DLG2: variants seen among roughly 807,000 people sequenced by gnomAD.
DLG2 encodes the protein discs large MAGUK scaffold protein 2, also known as disks large homolog 2.
In DLG2, 45 loss-of-function variants were observed where a neutral mutation model predicts 132.5. That is an observed-to-expected ratio of 0.34 (90% CI 0.27 to 0.44). DLG2 has a LOEUF of 0.44. Among genes scored for constraint, DLG2 ranks in the 20% least tolerant of loss-of-function variants. DLG2 has a pLI of 1.00. For missense variants in DLG2, 1,045 were observed against 1,196.9 expected (o/e 0.87, Z 1.87); for synonymous variants, 424 against 419.6 (o/e 1.01, Z -0.13).
At chr11:83,903,470 T>C (rs12275181) in intron 15 of DLG2, among the ~76,000 whole-genome samples, 14,640 of 152,120 alleles carry the variant, frequency 0.096, 828 homozygotes, top group Middle Eastern at 0.2. Context: ...ATAAATAGTA[T>C]TAATTGATTC....
At chr11:85,537,336 G>T (rs758121412) in intron 3 of DLG2, among the ~76,000 whole-genome samples, 1 of 152,190 alleles carries the variant, frequency 6.6e-6, no homozygotes, top group Non-Finnish European at 1.5e-5. Context: ...CACTTTCCAG[G>T]CTGTGGAACC....
At chr11:85,581,713 T>C (rs1413033711) in intron 3 of DLG2, among the ~76,000 whole-genome samples, 1 of 152,082 alleles carries the variant, frequency 6.6e-6, no homozygotes, top group Non-Finnish European at 1.5e-5. Flanking sequence ...AGGTGGAACA[T>C]TTGACAGATA....
At chr11:84,689,448 C>T (rs1056733293) in intron 6 of DLG2, among the ~76,000 whole-genome samples, 1 of 151,694 alleles carries the variant, frequency 6.6e-6, no homozygotes, top group Non-Finnish European at 1.5e-5. Flanking sequence ...GAATATTTAA[C>T]TTTAGCAGCT....
intron 9 of DLG2, among the ~76,000 whole-genome samples, chr11:84,120,472 T>G (rs760523932): frequency 4.6e-5 from 7 of 152,160 alleles, no homozygotes; most frequent in Non-Finnish European, 1.0e-4. Flanking sequence ...TCACAATGAC[T>G]CTGAGAAAGG....
intron 10 of DLG2, among the ~76,000 whole-genome samples, chr11:84,082,426 C>CA (rs1449970463): frequency 2.6e-5 from 4 of 152,138 alleles, no homozygotes; most frequent in Admixed American, 1.3e-4. Context: ...ACTTTATAAT[C>CA]AGAGAAATAC....
At chr11:84,529,665 C>T (rs1379104497) in intron 7 of DLG2, among the ~76,000 whole-genome samples, 1 of 152,128 alleles carries the variant, frequency 6.6e-6, no homozygotes, top group Admixed American at 6.5e-5. Flanking sequence ...AAATTGAAAA[C>T]ATTCTGTGCT....
intron 7 of DLG2, among the ~76,000 whole-genome samples, chr11:84,525,176 C>T (rs967726120): frequency 6.6e-6 from 1 of 152,166 alleles, no homozygotes; most frequent in African/African-American, 2.4e-5. Flanking sequence ...ATTTTCACAA[C>T]TCCAACTACA....
intron 6 of DLG2, among the ~76,000 whole-genome samples, chr11:85,017,558 G>A (rs1358572759): frequency 6.6e-6 from 1 of 152,106 alleles, no homozygotes; most frequent in Non-Finnish European, 1.5e-5. Flanking sequence ...CACACAACAG[G>A]ATCATTTCTA....
rs7118037 is a variant in DLG2 at position 83,858,458 on chromosome 11, C to G, written c.1565+15962G>C. 3.8e-3 allele frequency among the ~76,000 whole-genome samples: 576 copies of G among 152,270 alleles called. 2 individuals carry two copies. Among genetic ancestry groups the G allele is most frequent in the African/African-American group, 0.013 (539 of 41,554 alleles). The stretch of plus-strand genomic sequence containing the variant: ...GAAGACTCTAGTTCACTCTCATTAT[C>G]CTCCAGATAAAATGGAGCTCCTGGT... On this transcript the variant is annotated intron_variant, in intron 16 of 27. Coordinates refer to ENST00000376104, the MANE Select transcript of DLG2 (RefSeq NM_001142699.3).
At chr11:84,308,800 C>A (rs2098257505) in intron 7 of DLG2, among the ~76,000 whole-genome samples, 1 of 152,172 alleles carries the variant, frequency 6.6e-6, no homozygotes, top group South Asian at 2.1e-4. Context: ...CGTCATTGCC[C>A]GGGCCGGCAG....
intron 3 of DLG2, among the ~76,000 whole-genome samples, chr11:85,440,292 A>C (rs1370038571): frequency 6.6e-6 from 1 of 152,234 alleles, no homozygotes; most frequent in Admixed American, 6.5e-5. Context: ...TTATCTGTAC[A>C]AAAGAATAAA....
At chr11:85,025,371 T>C (rs1410914820) in intron 6 of DLG2, among the ~76,000 whole-genome samples, 1 of 152,208 alleles carries the variant, frequency 6.6e-6, no homozygotes, top group African/African-American at 2.4e-5. Context: ...TGTTGGAGTC[T>C]GACTTTCCTC....
chr11:84,394,447 C>T (rs962914268), intron 7 of DLG2, among the ~76,000 whole-genome samples: 1 of 151,678 alleles, frequency 6.6e-6, no homozygotes, highest in African/African-American at 2.4e-5. Flanking sequence ...ACACTGCCCT[C>T]TCTGCATCCC....
At chr11:83,985,380 T>C (rs1237095016) in intron 11 of DLG2, among the ~76,000 whole-genome samples, 1 of 152,108 alleles carries the variant, frequency 6.6e-6, no homozygotes, top group African/African-American at 2.4e-5. Flanking sequence ...CTGGGGTACA[T>C]ATGCAATATG....
intron 3 of DLG2, among the ~76,000 whole-genome samples, chr11:85,502,805 G>A (rs1227871408): frequency 1.3e-5 from 2 of 152,008 alleles, no homozygotes; most frequent in Non-Finnish European, 2.9e-5. Flanking sequence ...TATTCCAGAA[G>A]TTAAAGTAAA....
chr11:84,352,262 T>C (rs1352434851), intron 7 of DLG2, among the ~76,000 whole-genome samples: 1 of 152,182 alleles, frequency 6.6e-6, no homozygotes, highest in Non-Finnish European at 1.5e-5. Flanking sequence ...CTCTACCACA[T>C]TCTGGCTCAT....
intron 5 of DLG2, among the ~76,000 whole-genome samples, chr11:85,138,093 A>C (rs1241850616): frequency 3.3e-5 from 5 of 152,300 alleles, no homozygotes; most frequent in Admixed American, 3.3e-4. Flanking sequence ...TAATGAAATG[A>C]ATTAATTTTT....
intron 8 of DLG2, among the ~76,000 whole-genome samples, chr11:84,205,179 A>C (rs1454571368): frequency 1.3e-5 from 2 of 152,224 alleles, no homozygotes; most frequent in African/African-American, 4.8e-5. Context: ...AGACAGATTC[A>C]GCAGAAAGAC....
chr11:85,141,949 A>C (rs79731496), intron 5 of DLG2, among the ~76,000 whole-genome samples: 3 of 151,714 alleles, frequency 2.0e-5, no homozygotes, highest in East Asian at 1.9e-4. Context: ...ACTGGTTTGG[A>C]TACTATAGCT....
Sources: allele counts gnomAD v4.1 joint callset (sites outside exome capture counted in the v4.1 genomes callset), GRCh38; gene constraint gnomAD v4.1.1; transcripts MANE v1.5; gene names NCBI Gene and HGNC (gene_info 2026-07-23, HGNC 2026-07-21).